The following CACNA2D3 variants were observed in gnomAD, a reference collection of about 807,000 sequenced individuals.
CACNA2D3 encodes calcium voltage-gated channel auxiliary subunit alpha2delta 3.
In CACNA2D3, 60 loss-of-function variants were observed where a neutral mutation model predicts 160.6. The ratio of observed to expected loss-of-function variants is 0.37; its 90% confidence interval spans 0.30 to 0.46. CACNA2D3 has a LOEUF of 0.46. Ranked by LOEUF, CACNA2D3 falls within the 20% of genes least tolerant of loss-of-function variation. The pLI is 1.00. For missense variants in CACNA2D3, 1,205 were observed against 1,365.0 expected (o/e 0.88, Z 1.85); for synonymous variants, 558 against 492.9 (o/e 1.13, Z -1.75).
At chr3:54,411,810 CA>C (rs1246594641) in intron 4 of CACNA2D3, among the ~76,000 whole-genome samples, 2 of 151,692 alleles carry the variant, frequency 1.3e-5, no homozygotes, top group Non-Finnish European at 2.9e-5. Flanking sequence ...CCAAGTGAAA[CA>C]AAAAACAAAA....
At chr3:54,288,090 A>T (rs1466469833) in intron 2 of CACNA2D3, among the ~76,000 whole-genome samples, 1 of 152,058 alleles carries the variant, frequency 6.6e-6, no homozygotes, top group Admixed American at 6.6e-5. Flanking sequence ...AACTGAAGGA[A>T]ATAGAGACCC....
intron 27 of CACNA2D3, among the ~76,000 whole-genome samples, chr3:54,941,385 C>G (rs1487689057): frequency 6.6e-6 from 1 of 152,158 alleles, no homozygotes; most frequent in African/African-American, 2.4e-5. Context: ...AGTATTCTTA[C>G]ACATGCAGAA....
chr3:54,366,233 G>A (rs192361078), intron 3 of CACNA2D3, among the ~76,000 whole-genome samples: 36 of 152,260 alleles, frequency 2.4e-4, no homozygotes, highest in African/African-American at 8.2e-4. Context: ...GGAGGAGTAG[G>A]AGCTTGCCAG....
chr3:54,183,741 C>T (rs768658505), intron 2 of CACNA2D3, among the ~76,000 whole-genome samples: 2 of 151,362 alleles, frequency 1.3e-5, no homozygotes, highest in Admixed American at 6.6e-5. Context: ...AAAAATTAGC[C>T]GGACATGGTG....
chr3:54,480,175 C>G (rs1028305672), intron 4 of CACNA2D3, among the ~76,000 whole-genome samples: 1 of 151,924 alleles, frequency 6.6e-6, no homozygotes, highest in Admixed American at 6.6e-5. Flanking sequence ...GAGACCCTGT[C>G]TCTACAAAAA....
intron 35 of CACNA2D3, among the ~76,000 whole-genome samples, chr3:55,023,011 C>A (rs940949538): frequency 6.6e-6 from 1 of 151,964 alleles, no homozygotes; most frequent in Non-Finnish European, 1.5e-5. Flanking sequence ...AAAAGCATTG[C>A]TTTTTGTTTT....
At chr3:55,001,060 A>G (rs1010835249) in intron 31 of CACNA2D3, among the ~76,000 whole-genome samples, 1 of 152,154 alleles carries the variant, frequency 6.6e-6, no homozygotes, top group South Asian at 2.1e-4. Flanking sequence ...ATTATAATCT[A>G]TCTTATAGGG....
chr3:54,490,319 G>A (rs923180485), intron 4 of CACNA2D3, among the ~76,000 whole-genome samples: 2 of 59,598 alleles, frequency 3.4e-5, no homozygotes, highest in African/African-American at 1.3e-4. Context: ...AGTAAGCACC[G>A]TTCCATCCCT....
intron 2 of CACNA2D3, among the ~76,000 whole-genome samples, chr3:54,318,196 C>G (rs1378194575): frequency 6.6e-6 from 1 of 152,158 alleles, no homozygotes; most frequent in Non-Finnish European, 1.5e-5. Context: ...CAGGGCCACA[C>G]AATCTATGAT....
chr3:54,385,453 G>A (rs12632182), intron 3 of CACNA2D3, among the ~76,000 whole-genome samples: 3,350 of 152,258 alleles, frequency 0.022, 56 homozygotes, highest in South Asian at 0.055. Context: ...TCTGGGGATT[G>A]TTCTTTGACC....
intron 3 of CACNA2D3, among the ~76,000 whole-genome samples, chr3:54,375,768 A>G (rs1248832079): frequency 4.6e-5 from 7 of 152,064 alleles, no homozygotes. Flanking sequence ...CCAGAAAAAG[A>G]ATGGGATCCA....
At chr3:54,932,719 G>A (rs1701221060) in intron 27 of CACNA2D3, among the ~76,000 whole-genome samples, 1 of 152,172 alleles carries the variant, frequency 6.6e-6, no homozygotes, top group Admixed American at 6.5e-5. Context: ...TCTCCCAATT[G>A]TAAGGTCTGC....
intron 3 of CACNA2D3, among the ~76,000 whole-genome samples, chr3:54,380,348 G>A (rs2106642927): frequency 6.6e-6 from 1 of 152,318 alleles, no homozygotes; most frequent in African/African-American, 2.4e-5. Flanking sequence ...CTGTCAGCAT[G>A]TCAAGTTCAA....
chr3:54,927,983 G>A (rs1701075256), intron 27 of CACNA2D3: 1 of 1,454,278 alleles, frequency 6.9e-7, no homozygotes, highest in Middle Eastern at 1.7e-4. Flanking sequence ...ACACACGAAG[G>A]GCATGGCAGA....
At chr3:54,928,394 G>C (rs528712896) in intron 27 of CACNA2D3, among the ~76,000 whole-genome samples, 1 of 152,104 alleles carries the variant, frequency 6.6e-6, no homozygotes, top group Admixed American at 6.5e-5. Flanking sequence ...TAACCATGCC[G>C]GGTCACCCCT....
intron 4 of CACNA2D3, among the ~76,000 whole-genome samples, chr3:54,420,614 T>G (rs1699823157): frequency 6.6e-6 from 1 of 152,216 alleles, no homozygotes; most frequent in Non-Finnish European, 1.5e-5. Context: ...TGCCTTACAC[T>G]TTAGACTGTT....
chr3:54,736,120 C>T (rs6797812), intron 11 of CACNA2D3, among the ~76,000 whole-genome samples: 7 of 45,988 alleles, frequency 1.5e-4, no homozygotes, highest in African/African-American at 4.7e-4. Flanking sequence ...TATATATATA[C>T]ATATATATAT....
chr3:54,915,964 A>G (rs948934958), intron 27 of CACNA2D3, among the ~76,000 whole-genome samples: 3 of 152,220 alleles, frequency 2.0e-5, no homozygotes, highest in Non-Finnish European at 4.4e-5. Context: ...AGTCACGTTC[A>G]GGGTTTTCTG....
chr3:54,334,601 ACT>A (rs1158830862), intron 3 of CACNA2D3, among the ~76,000 whole-genome samples: 5 of 151,872 alleles, frequency 3.3e-5, no homozygotes, highest in Admixed American at 2.6e-4. Context: ...AGGGATTGTG[ACT>A]CTCTGGATAT....
Sources: allele counts gnomAD v4.1 joint callset (sites outside exome capture counted in the v4.1 genomes callset), GRCh38; gene constraint gnomAD v4.1.1; transcripts MANE v1.5; gene names NCBI Gene and HGNC (gene_info 2026-07-23, HGNC 2026-07-21).